Variants in CDKL5 observed in about 807,000 individuals in gnomAD.
CDKL5 encodes cyclin dependent kinase like 5.
CDKL5 carries 8 observed loss-of-function variants against 61.7 expected under a neutral mutation model. The observed-to-expected ratio is 0.13, with a 90% CI of 0.08 to 0.23. The LOEUF is 0.23. CDKL5 is among the 10% of genes least tolerant of loss of function. CDKL5 has a pLI of 1.00. For missense variants in CDKL5, 440 were observed against 734.5 expected (o/e 0.60, Z 4.63); for synonymous variants, 275 against 272.3 (o/e 1.01, Z -0.10).
chrX:18,437,451 C>G (rs1447057465), intron 1 of CDKL5, among the ~76,000 whole-genome samples: 1 of 111,886 alleles, frequency 8.9e-6, no homozygotes, highest in Admixed American at 9.5e-5. Flanking sequence ...TTAATCTGCT[C>G]GAAGTATTTA....
chrX:18,437,061 A>AT (rs1931628078), intron 1 of CDKL5, among the ~76,000 whole-genome samples: 1 of 110,774 alleles, frequency 9.0e-6, no homozygotes. Flanking sequence ...CTCCTGGGAA[A>AT]CGGTTGAAGA....
At chrX:18,619,213 T>C (rs771361998) in intron 15 of CDKL5, among the ~76,000 whole-genome samples, 10 of 104,483 alleles carry the variant, frequency 9.6e-5, no homozygotes, top group Non-Finnish European at 1.4e-4. Flanking sequence ...CACACTGGTC[T>C]AAAACTCCTG....
rs560376815 is a variant in CDKL5, at chrX:18,540,073, T to A, written c.100-24404T>A. ...ACTCATGAGCAAAAGGATAGTCTTA[T>A]ATTCCCCACCTTTTATTTTTGTAGC... On this transcript the variant is annotated intron_variant, in intron 3 of 17. Transcript: ENST00000623535. Among the ~76,000 whole-genome samples the A allele has an allele frequency of 2.7e-5, 3 of 112,663 alleles. No homozygotes were observed. In the South Asian group the frequency reaches 1.1e-3, roughly 41 times the overall value.
chrX:18,441,286 C>T (rs758187947), intron 1 of CDKL5, among the ~76,000 whole-genome samples: 8 of 110,602 alleles, frequency 7.2e-5, no homozygotes, highest in South Asian at 3.9e-4. Context: ...TGTGGTGGCA[C>T]ACACCTGTAG....
intron 5 of CDKL5, among the ~76,000 whole-genome samples, chrX:18,576,806 GT>G (rs753569295): frequency 2.8e-3 from 255 of 89,892 alleles, no homozygotes; most frequent in Middle Eastern, 0.011. Context: ...AAAACTAAAA[GT>G]TTTTTTTTTT....
chrX:18,460,141 C>T (rs999798256), intron 1 of CDKL5, among the ~76,000 whole-genome samples: 5 of 111,046 alleles, frequency 4.5e-5, no homozygotes, highest in Admixed American at 3.9e-4. Context: ...CCTCGTGATC[C>T]GCCCGCCTCG....
intron 21 of CDKL5, chrX:18,650,679 C>A: frequency 2.0e-6 from 2 of 1,016,977 alleles, no homozygotes; most frequent in Non-Finnish European, 2.8e-6. Context: ...GATGTTCAGG[C>A]CACACCCCCA....
At chrX:18,524,491 C>T (rs947073325) in intron 3 of CDKL5, among the ~76,000 whole-genome samples, 2 of 112,137 alleles carry the variant, frequency 1.8e-5, no homozygotes, top group African/African-American at 6.5e-5. Flanking sequence ...CCAGTTCTGC[C>T]ATTTTCAGTG....
rs1927180839 is a variant in CDKL5, at chrX:18,629,720, C to T, written c.*963C>T. The T allele has an allele frequency of 1.3e-6, 1 of 752,141 alleles. No individual in the cohort carries two copies. The highest frequency in any genetic ancestry group is 2.3e-5 in the African/African-American group (1 of 43,103). The allele number at this position is 752,141 out of a possible 1,213,427, so 62.0% of individuals were successfully genotyped here. On this transcript the variant is annotated 3_prime_UTR_variant, in exon 18 of 18. Coordinates refer to ENST00000623535, the MANE Select transcript of CDKL5 (RefSeq NM_001323289.2). ...TTCCAAACCTGCAGGGGAAGAAAGT[C>T]AGATAGGCCAGTGAGAATTCCAGCA...
chrX:18,603,878 A>G, intron 11 of CDKL5, 24 bp from the exon 12 acceptor site: 1 of 1,208,235 alleles, frequency 8.3e-7, no homozygotes, highest in Non-Finnish European at 1.1e-6. Context: ...GGAAACTGAT[A>G]TACTTCTTTT....
chrX:18,572,882 A>G (rs1925178985), intron 4 of CDKL5, among the ~76,000 whole-genome samples: 1 of 112,100 alleles, frequency 8.9e-6, no homozygotes, highest in Non-Finnish European at 1.9e-5. Flanking sequence ...CATAGATTGC[A>G]TACCACTAAG....
At chrX:18,511,469 C>T (rs1440621422) in intron 3 of CDKL5, among the ~76,000 whole-genome samples, 1 of 109,425 alleles carries the variant, frequency 9.1e-6, no homozygotes, top group African/African-American at 3.3e-5. Flanking sequence ...ATGGTGGTCC[C>T]GTAAGATTAT....
At chrX:18,548,603 T>C (rs754605196) in intron 3 of CDKL5, among the ~76,000 whole-genome samples, 1 of 112,844 alleles carries the variant, frequency 8.9e-6, no homozygotes, top group South Asian at 3.6e-4. Context: ...TGTCCTATTC[T>C]GCTTCCTTGC....
At chrX:18,504,016 A>C (rs1401527711) in intron 1 of CDKL5, among the ~76,000 whole-genome samples, 2 of 111,591 alleles carry the variant, frequency 1.8e-5, no homozygotes, top group African/African-American at 6.5e-5. Context: ...AGCCTCCCAA[A>C]GTGCTGGGAT....
At chrX:18,620,069 T>C (rs1189897949) in intron 16 of CDKL5, 103 bp downstream of exon 16, 6 of 533,500 alleles carry the variant, frequency 1.1e-5, no homozygotes, top group Non-Finnish European at 1.9e-5. Context: ...GTTTTCTTAT[T>C]GAGACTTGAC....
chrX:18,565,762 T>C (rs1344554254), intron 4 of CDKL5, among the ~76,000 whole-genome samples: 1 of 112,473 alleles, frequency 8.9e-6, no homozygotes, highest in Non-Finnish European at 1.9e-5. Context: ...CTGGGAACTT[T>C]AGCAGTCATT....
At chrX:18,525,388 C>T (rs112940005) in intron 3 of CDKL5, among the ~76,000 whole-genome samples, 5,388 of 111,643 alleles carry the variant, frequency 0.048, 310 homozygotes, top group African/African-American at 0.16. Flanking sequence ...CGTGAGCCAC[C>T]GCGCCCAGCC....
intron 1 of CDKL5, among the ~76,000 whole-genome samples, chrX:18,449,131 A>T (rs1314063067): frequency 1.8e-5 from 2 of 112,595 alleles, no homozygotes; most frequent in African/African-American, 6.5e-5. Flanking sequence ...CTGGGATTAC[A>T]GGCGTGAGCC....
At chrX:18,452,391 C>T (rs1932039568) in intron 1 of CDKL5, among the ~76,000 whole-genome samples, 1 of 111,492 alleles carries the variant, frequency 9.0e-6, no homozygotes, top group South Asian at 3.8e-4. Context: ...AGTATTAACA[C>T]ATCGCTTTCA....
Sources: gnomAD v4.1 joint callset for allele counts (sites outside exome capture counted in the v4.1 genomes callset) on GRCh38, gnomAD v4.1.1 for gene constraint, MANE v1.5 for transcripts, NCBI Gene and HGNC (gene_info 2026-07-23, HGNC 2026-07-21) for gene names.